SH3GL2: variants seen among roughly 807,000 people sequenced by gnomAD.
The protein encoded by SH3GL2 is endophilin-A1.
SH3GL2 carries 24 observed loss-of-function variants against 46.0 expected under a neutral mutation model. The ratio of observed to expected loss-of-function variants is 0.52; its 90% CI spans 0.38 to 0.73. The LOEUF (loss-of-function observed/expected upper bound fraction) is 0.73, where lower values mean the gene tolerates loss of function less well. Ranked by LOEUF, SH3GL2 falls within the 30% of genes least tolerant of loss-of-function variation. SH3GL2 has a pLI of 0.00. For synonymous variants in SH3GL2, 196 were observed against 147.1 expected (o/e 1.33, Z -2.40); for missense variants, 413 against 424.2 (o/e 0.97, Z 0.23).
intron 1 of SH3GL2, among the ~76,000 whole-genome samples, chr9:17,687,321 C>T (rs1820944288): frequency 6.6e-6 from 1 of 152,060 alleles, no homozygotes; most frequent in East Asian, 1.9e-4. Context: ...ACTGTGACTT[C>T]ATCTGCAAGT....
chr9:17,618,058 T>A (rs1181569793), intron 1 of SH3GL2, among the ~76,000 whole-genome samples: 1 of 152,204 alleles, frequency 6.6e-6, no homozygotes, highest in African/African-American at 2.4e-5. Flanking sequence ...TTGGGAGTTC[T>A]GTTGTAGAAA....
At chr9:17,678,746 A>G (rs76327891) in intron 1 of SH3GL2, among the ~76,000 whole-genome samples, 25,003 of 152,150 alleles carry the variant, frequency 0.16, 2,819 homozygotes, top group Non-Finnish European at 0.25. Flanking sequence ...GTTTTCTTCT[A>G]GGGTTTTTAT....
At chr9:17,761,545 G>C (rs368079854) in intron 3 of SH3GL2, 36 bp downstream of exon 3, 17 of 1,264,394 alleles carry the variant, frequency 1.3e-5, no homozygotes, top group Admixed American at 5.0e-5. Flanking sequence ...AGGATCCCTC[G>C]AGGTAACTTT....
In SH3GL2 at chr9:17,701,883, A is replaced by G. The variant is rs906604182; in HGVS notation, c.46-45183A>G. Among the ~76,000 whole-genome samples the G allele has an allele frequency of 2.0e-5, 3 of 152,130 alleles. No individual in the cohort carries two copies. In the South Asian group the frequency reaches 6.2e-4, roughly 32 times the overall value. ...CATCATAAAGGAGTCAGCTTTCTCTAAGTTAAACTGTAAATGTAATGTGAT... is the reference window on the plus strand; with the variant it reads ...CATCATAAAGGAGTCAGCTTTCTCTGAGTTAAACTGTAAATGTAATGTGAT... On this transcript the variant is annotated intron_variant, in intron 1 of 8. Transcript: ENST00000380607.
intron 1 of SH3GL2, among the ~76,000 whole-genome samples, chr9:17,719,583 A>T (rs1421911217): frequency 6.6e-6 from 1 of 152,086 alleles, no homozygotes; most frequent in African/African-American, 2.4e-5. Context: ...TGAGCCCAGC[A>T]GTTTGATCCC....
At chr9:17,631,073 C>G (rs1819410379) in intron 1 of SH3GL2, among the ~76,000 whole-genome samples, 1 of 151,946 alleles carries the variant, frequency 6.6e-6, no homozygotes, top group Admixed American at 6.6e-5. Flanking sequence ...GCAGTGATTG[C>G]TTGATACTGT....
At position 17,677,248 on chromosome 9, in the gene SH3GL2, T is replaced by A. The variant is rs191735953; in HGVS notation, c.46-69818T>A. Among the ~76,000 whole-genome samples the A allele has an allele frequency of 2.7e-3, 414 of 152,330 alleles. 2 individuals carry two copies. The highest frequency in any genetic ancestry group is 7.7e-3 in the African/African-American group (320 of 41,584). ...ACTCTGTTCATTATTTTCTCCTTTT[T>A]ATTCATTCTCATGTTCACATTCACT... is the stretch of plus-strand genomic sequence containing the variant. On this transcript the variant is annotated intron_variant, in intron 1 of 8. Transcript: ENST00000380607.
At chr9:17,607,222 C>T (rs1370349509) in intron 1 of SH3GL2, among the ~76,000 whole-genome samples, 1 of 152,166 alleles carries the variant, frequency 6.6e-6, no homozygotes, top group Non-Finnish European at 1.5e-5. Flanking sequence ...CTGCTGCAAA[C>T]CTAGGCTATA....
intron 1 of SH3GL2, among the ~76,000 whole-genome samples, chr9:17,745,625 G>A (rs1433524160): frequency 2.6e-5 from 4 of 152,118 alleles, no homozygotes; most frequent in African/African-American, 4.8e-5. Context: ...TCTTCTGAGT[G>A]TTTTCCCGAT....
chr9:17,732,881 A>C (rs991567133), intron 1 of SH3GL2, among the ~76,000 whole-genome samples: 3 of 152,156 alleles, frequency 2.0e-5, no homozygotes, highest in Non-Finnish European at 4.4e-5. Context: ...TAGCCAACCC[A>C]AATAGATCCT....
At chr9:17,627,091 C>T (rs1168302824) in intron 1 of SH3GL2, among the ~76,000 whole-genome samples, 1 of 152,128 alleles carries the variant, frequency 6.6e-6, no homozygotes, top group African/African-American at 2.4e-5. Flanking sequence ...ACATGTTTAA[C>T]TTACTAAATA....
At chr9:17,696,590 G>C (rs1192096788) in intron 1 of SH3GL2, among the ~76,000 whole-genome samples, 2 of 152,172 alleles carry the variant, frequency 1.3e-5, no homozygotes, top group Non-Finnish European at 2.9e-5. Context: ...GGAAGGAGAA[G>C]TGCCGAGCAA....
chr9:17,768,176 C>A (rs1823370989), intron 3 of SH3GL2, among the ~76,000 whole-genome samples: 1 of 151,844 alleles, frequency 6.6e-6, no homozygotes, highest in African/African-American at 2.4e-5. Flanking sequence ...TAGAGACCAT[C>A]CTGGCTAACA....
At chr9:17,699,811 G>A (rs1156976939) in intron 1 of SH3GL2, among the ~76,000 whole-genome samples, 5 of 152,218 alleles carry the variant, frequency 3.3e-5, no homozygotes, top group Non-Finnish European at 5.9e-5. Flanking sequence ...TCATCTCATG[G>A]TGAATGCATA....
intron 3 of SH3GL2, among the ~76,000 whole-genome samples, chr9:17,774,592 T>C (rs1823588032): frequency 6.6e-6 from 1 of 152,096 alleles, no homozygotes; most frequent in South Asian, 2.1e-4. Flanking sequence ...AGGTATTAGA[T>C]GGACCCATTT....
intron 1 of SH3GL2, among the ~76,000 whole-genome samples, chr9:17,699,551 A>G (rs1821293469): frequency 6.6e-6 from 1 of 152,136 alleles, no homozygotes; most frequent in Non-Finnish European, 1.5e-5. Flanking sequence ...CTTACCATCC[A>G]CCAATCTCCT....
chr9:17,674,402 G>A (rs1489416875), intron 1 of SH3GL2, among the ~76,000 whole-genome samples: 2 of 152,034 alleles, frequency 1.3e-5, no homozygotes, highest in South Asian at 2.1e-4. Flanking sequence ...TAGTAGCTGG[G>A]ACTACAGGTG....
chr9:17,607,556 G>A (rs12380813), intron 1 of SH3GL2, among the ~76,000 whole-genome samples: 30,105 of 152,080 alleles, frequency 0.2, 3,912 homozygotes, highest in Middle Eastern at 0.32. Flanking sequence ...TTGAGCCATC[G>A]TTGACCAAAA....
chr9:17,688,930 T>C (rs1437414264), intron 1 of SH3GL2, among the ~76,000 whole-genome samples: 1 of 152,042 alleles, frequency 6.6e-6, no homozygotes, highest in Non-Finnish European at 1.5e-5. Context: ...ACTCTTTAAG[T>C]GTGACATGCT....
Sources: gnomAD v4.1 joint callset for allele counts (sites outside exome capture counted in the v4.1 genomes callset) on GRCh38, gnomAD v4.1.1 for gene constraint, MANE v1.5 for transcripts, NCBI Gene and HGNC (gene_info 2026-07-23, HGNC 2026-07-21) for gene names.